BRSK2: variants seen among roughly 807,000 people sequenced by gnomAD.
BRSK2 encodes BR serine/threonine kinase 2.
BRSK2 carries 19 observed loss-of-function variants against 83.3 expected under a neutral mutation model. That is an observed-to-expected ratio of 0.23 (90% confidence interval 0.16 to 0.33). BRSK2 has a LOEUF of 0.33. Ranked by LOEUF, BRSK2 falls within the 10% of genes least tolerant of loss-of-function variation. BRSK2 has a pLI of 1.00. For missense variants in BRSK2, 798 were observed against 1,042.3 expected (o/e 0.77, Z 3.23); for synonymous variants, 519 against 435.4 (o/e 1.19, Z -2.39).
At chr11:1,424,190 G>A (rs765052021) in intron 1 of BRSK2, among the ~76,000 whole-genome samples, 15 of 152,304 alleles carry the variant, frequency 9.8e-5, no homozygotes, top group Non-Finnish European at 1.3e-4. Context: ...TGTGGCCTCC[G>A]GAACTGCTCC....
chr11:1,456,892 C>G, intron 18 of BRSK2: 1 of 1,556,686 alleles, frequency 6.4e-7, no homozygotes, highest in Non-Finnish European at 8.7e-7. Flanking sequence ...CGCCTCGCCT[C>G]TGCACGCCAG....
At chr11:1,441,038 G>A (rs191724903) in intron 4 of BRSK2, 110 bp downstream of exon 4, 183 of 914,238 alleles carry the variant, frequency 2.0e-4, no homozygotes, top group Middle Eastern at 3.5e-4. Flanking sequence ...GTGCTATTCC[G>A]AGGTACACCA....
intron 1 of BRSK2, among the ~76,000 whole-genome samples, chr11:1,401,795 C>T (rs886591260): frequency 1.3e-4 from 20 of 152,354 alleles, no homozygotes; most frequent in Admixed American, 1.1e-3. Context: ...CAGCACCAGC[C>T]GTGCTGAAGT....
chr11:1,446,748 C>T (rs565910913), intron 12 of BRSK2, among the ~76,000 whole-genome samples: 3 of 152,306 alleles, frequency 2.0e-5, no homozygotes, highest in African/African-American at 4.8e-5. Flanking sequence ...TGAGCTCAAA[C>T]GTCCCTCACC....
Position 1,460,783 on chromosome 11 carries a change from C to G in BRSK2, c.*60C>G. 1 of 1,438,560 alleles carries G rather than the reference C, an allele frequency of 7.0e-7. No individual in the cohort carries two copies. 89.1% of individuals were successfully genotyped at this position (1,438,560 alleles called of 1,614,324 possible). A position where few individuals can be genotyped will look rare whatever the true frequency, so the allele number is the denominator to read the frequency against. ...AGCGGCTGCCTCGCCGCCCGCCGCC[C>G]GCCCTGCCCCGAGTGGACCCGCGGC... On this transcript the variant is annotated 3_prime_UTR_variant, in exon 20 of 20. Transcript: ENST00000528841.
At chr11:1,457,706 CTG>C (rs1452656559) in intron 18 of BRSK2, among the ~76,000 whole-genome samples, 1 of 152,128 alleles carries the variant, frequency 6.6e-6, no homozygotes, top group Non-Finnish European at 1.5e-5. Flanking sequence ...GGGTCACCTC[CTG>C]TGTTTCCATG....
In BRSK2 at chr11:1,390,457, C is replaced by A; in HGVS notation, c.91+82C>A. On this transcript the variant is annotated intron_variant, in intron 1 of 19. Coordinates refer to ENST00000528841, the MANE Select transcript of BRSK2 (RefSeq NM_001256627.2). This position sits in a 1 kb window ranked among gnomAD's most constrained non-coding sequence, Gnocchi z 6.8. ...GGTGGGGGGCGCCCGAGGGAGGCCCCGGCCGCGAAGCCGCAGGCCCGGCCC... is the reference window on the plus strand; with the variant it reads ...GGTGGGGGGCGCCCGAGGGAGGCCCAGGCCGCGAAGCCGCAGGCCCGGCCC... 1 of 811,846 alleles carries A rather than the reference C, an allele frequency of 1.2e-6. No homozygotes were observed. The highest frequency in any genetic ancestry group is 1.5e-6 in the Non-Finnish European group (1 of 670,452). 50.3% of individuals were successfully genotyped at this position (811,846 alleles called of 1,614,324 possible). A position where few individuals can be genotyped will look rare whatever the true frequency, so the allele number is the denominator to read the frequency against.
Position 1,390,144 on chromosome 11 carries a change from G to A in BRSK2, c.-141G>A, listed in dbSNP as rs1477202124. Reference sequence around the variant, plus strand: ...GGGGGCGGCGGCGCGGGCGGACGCGGGCGGCGCGAAGCAGCGGGGCCCGCG... The same window carrying A: ...GGGGGCGGCGGCGCGGGCGGACGCGAGCGGCGCGAAGCAGCGGGGCCCGCG... On this transcript the variant is annotated 5_prime_UTR_variant, in exon 1 of 20. Coordinates refer to ENST00000528841, the MANE Select transcript of BRSK2 (RefSeq NM_001256627.2). The surrounding 1 kb of genome is among the most constrained non-coding windows in gnomAD (Gnocchi z 6.8). 5 of 219,090 alleles carry A rather than the reference G, an allele frequency of 2.3e-5. No individual in the cohort carries two copies. In the East Asian group the frequency reaches 9.6e-4, roughly 42 times the overall value. 13.6% of individuals were successfully genotyped at this position (219,090 alleles called of 1,614,324 possible).
At chr11:1,458,667 G>C (rs1316237399) in intron 18 of BRSK2, among the ~76,000 whole-genome samples, 7 of 152,190 alleles carry the variant, frequency 4.6e-5, no homozygotes, top group Admixed American at 4.6e-4. Flanking sequence ...AGGGCCTTGA[G>C]GGAGTAGCCC....
intron 16 of BRSK2, among the ~76,000 whole-genome samples, 174 bp from the exon 17 acceptor site, chr11:1,456,174 C>T (rs1286323223): frequency 6.6e-6 from 1 of 152,146 alleles, no homozygotes; most frequent in Non-Finnish European, 1.5e-5. Flanking sequence ...GCTGGAAACG[C>T]CCCTCCCCCT....
chr11:1,454,540 A>G lies in BRSK2; in HGVS notation c.1600A>G (p.Ile534Val), dbSNP rs753455740. Residue 534 changes from isoleucine (I) to valine (V), a missense_variant, in exon 16 of 20, where the codon ATC becomes GTC. Ile to Val is a conservative substitution (Grantham distance 29). This residue lies in a region of BRSK2 where 455 missense variants were observed against 455.2 expected (regional missense o/e 1.00). Transcript: ENST00000528841. The surrounding 1 kb of genome is among the most constrained non-coding windows in gnomAD (Gnocchi z 5.2). ...CATCAGCCTGGAGAAGGAGGAGCAG[A>G]TCTTCGTGGTCATCAAAGACAAACC... ...NFISLEKEEQIFVVIKDKPLS... is the reference protein window; with the variant it reads ...NFISLEKEEQVFVVIKDKPLS... 1.2e-6 allele frequency: 2 copies of G among 1,613,264 alleles called. No homozygotes were observed. The highest frequency in any genetic ancestry group is 2.2e-5 in the South Asian group (2 of 91,076).
intron 1 of BRSK2, among the ~76,000 whole-genome samples, chr11:1,429,147 C>T (rs1590471494): frequency 7.7e-6 from 1 of 129,946 alleles, no homozygotes; most frequent in East Asian, 2.3e-4. Context: ...TGCACGTGTG[C>T]ATGGGTGTGT....
At position 1,449,844 on chromosome 11, in the gene BRSK2, AC is replaced by A. The variant is rs568092784; in HGVS notation, c.1287+14del. 6 of 1,598,086 alleles carry A rather than the reference AC, an allele frequency of 3.8e-6. No homozygotes were observed. The highest frequency in any genetic ancestry group is 4.5e-5 in the East Asian group (2 of 44,478). Reference sequence around the variant, plus strand: ...CCACTCAGCAGCCCCCGGGTGAGTGACCCCCCGCCCCCACCCAGCTCGGATG... The same window carrying A: ...CCACTCAGCAGCCCCCGGGTGAGTGACCCCCGCCCCCACCCAGCTCGGATG... On this transcript the variant is annotated intron_variant, in intron 13 of 19. Coordinates refer to ENST00000528841, the MANE Select transcript of BRSK2 (RefSeq NM_001256627.2).
chr11:1,429,098 G>T (rs1313892226), intron 1 of BRSK2, among the ~76,000 whole-genome samples: 1 of 145,216 alleles, frequency 6.9e-6, no homozygotes, highest in Non-Finnish European at 1.5e-5. Context: ...GTGCGTGCAT[G>T]TGTGCACTCG....
chr11:1,459,334 C>A lies in BRSK2; in HGVS notation c.1987+95C>A, dbSNP rs375874956. 6 of 1,440,122 alleles carry A rather than the reference C, an allele frequency of 4.2e-6. No individual in the cohort carries two copies. The Admixed American group carries it at 8.4e-5, about 20-fold the overall frequency. 89.2% of individuals were successfully genotyped at this position (1,440,122 alleles called of 1,614,324 possible). A position where few individuals can be genotyped will look rare whatever the true frequency, so the allele number is the denominator to read the frequency against. ...CCGCCACCTGCCGCCCGGGTTGTCC[C>A]GGCCTCCCTGTGTAGATGTAGGCAC... is the stretch of plus-strand genomic sequence containing the variant. On this transcript the variant is annotated intron_variant, in intron 19 of 19. Transcript: ENST00000528841.
intron 16 of BRSK2, among the ~76,000 whole-genome samples, chr11:1,455,155 T>C (rs1005309976): frequency 1.3e-5 from 2 of 152,098 alleles, no homozygotes; most frequent in Admixed American, 1.3e-4. Context: ...TGGGCATCTT[T>C]GGGTTAGGAG....
chr11:1,414,391 T>C (rs1476706702), intron 1 of BRSK2, among the ~76,000 whole-genome samples: 2 of 152,104 alleles, frequency 1.3e-5, no homozygotes, highest in Non-Finnish European at 2.9e-5. Context: ...CTTCCCTCTG[T>C]AGAGAGTTGG....
intron 19 of BRSK2, 107 bp downstream of exon 19, chr11:1,459,346 G>A (rs530551565): frequency 3.1e-6 from 4 of 1,271,592 alleles, no homozygotes; most frequent in East Asian, 2.3e-5. Flanking sequence ...GCCTCCCTGT[G>A]TAGATGTAGG....
chr11:1,402,227 G>A lies in BRSK2; in HGVS notation c.91+11852G>A, dbSNP rs565098695. Among the ~76,000 whole-genome samples the A allele has an allele frequency of 9.8e-5, 15 of 152,308 alleles. No homozygotes were observed. In the South Asian group the frequency reaches 1.0e-3, roughly 11 times the overall value. ...GGTGGGTGTCGGGGCTCCCCGGGGC[G>A]GGGCAGGCACAGCAGGCTGTGGTGG... On this transcript the variant is annotated intron_variant, in intron 1 of 19. Transcript: ENST00000528841.
Sources: allele counts gnomAD v4.1 joint callset (sites outside exome capture counted in the v4.1 genomes callset), GRCh38; gene constraint gnomAD v4.1.1; regional missense constraint gnomAD v4.1.1; non-coding constraint Gnocchi (gnomAD v3.1); transcripts MANE v1.5; gene names NCBI Gene and HGNC (gene_info 2026-07-23, HGNC 2026-07-21).